Variants in SMAD5 observed in about 807,000 individuals in gnomAD.
The protein encoded by SMAD5 is MAD, mothers against decapentaplegic homolog 5.
Under a neutral mutation model 43.1 loss-of-function variants are expected in SMAD5, and 9 were observed. That is an observed-to-expected ratio of 0.21 (90% CI 0.13 to 0.36). The LOEUF is 0.36. Ranked by LOEUF, SMAD5 falls within the 10% of genes least tolerant of loss-of-function variation. SMAD5 has a pLI of 1.00. For synonymous variants in SMAD5, 190 were observed against 192.4 expected (o/e 0.99, Z 0.10); for missense variants, 348 against 574.0 (o/e 0.61, Z 4.02).
intron 3 of SMAD5, among the ~76,000 whole-genome samples, chr5:136,157,654 A>T (rs1159421270): frequency 6.6e-6 from 1 of 152,078 alleles, no homozygotes; most frequent in Admixed American, 6.6e-5. Context: ...TGGCGATAGG[A>T]TTTGCTTTCC....
intron 1 of SMAD5, among the ~76,000 whole-genome samples, chr5:136,142,044 C>G (rs929187388): frequency 2.0e-5 from 3 of 152,176 alleles, no homozygotes; most frequent in African/African-American, 7.2e-5. Flanking sequence ...CCTAACCCCA[C>G]CACCAGAGCT....
At chr5:136,142,033 AC>A (rs1753098326) in intron 1 of SMAD5, among the ~76,000 whole-genome samples, 1 of 152,218 alleles carries the variant, frequency 6.6e-6, no homozygotes, top group East Asian at 1.9e-4. Context: ...TGAAAAGTAC[AC>A]CTAACCCCAC....
chr5:136,168,844 C>T (rs1250193631), intron 5 of SMAD5, among the ~76,000 whole-genome samples: 1 of 152,164 alleles, frequency 6.6e-6, no homozygotes, highest in Non-Finnish European at 1.5e-5. Context: ...GCTTCTTTCA[C>T]TTAGTAATAT....
chr5:136,138,687 CT>C (rs1012547737), intron 1 of SMAD5, among the ~76,000 whole-genome samples: 3 of 152,102 alleles, frequency 2.0e-5, no homozygotes, highest in African/African-American at 7.2e-5. Flanking sequence ...CACATCCCCC[CT>C]GCCCCCAAAA....
At chr5:136,162,272 A>G (rs1283888848) in intron 4 of SMAD5, among the ~76,000 whole-genome samples, 1 of 152,188 alleles carries the variant, frequency 6.6e-6, no homozygotes. Flanking sequence ...GAAAACTCAA[A>G]CAAACATGGG....
At chr5:136,161,280 C>G (rs1158571092) in intron 4 of SMAD5, among the ~76,000 whole-genome samples, 173 bp downstream of exon 4, 1 of 151,956 alleles carries the variant, frequency 6.6e-6, no homozygotes, top group Non-Finnish European at 1.5e-5. Context: ...TTTATTTTGC[C>G]AATTACCGTA....
chr5:136,156,824 C>T lies in SMAD5; in HGVS notation c.403+2661C>T, dbSNP rs139578939. Among the ~76,000 whole-genome samples, 308 of 152,258 alleles carry T rather than the reference C, an allele frequency of 2.0e-3. 3 individuals carry two copies. The highest frequency in any genetic ancestry group is 7.1e-3 in the East Asian group (37 of 5,176). ...AAAAGACTGGGGCATAGCTCTGATA[C>T]TTTTAAATAACGGAAAATTTCATGT... is the stretch of plus-strand genomic sequence containing the variant. On this transcript the variant is annotated intron_variant, in intron 3 of 7. Transcript: ENST00000545279.
intron 3 of SMAD5, 33 bp downstream of exon 3, chr5:136,154,196 A>T: frequency 1.5e-6 from 2 of 1,376,152 alleles, no homozygotes; most frequent in Non-Finnish European, 1.9e-6. Flanking sequence ...ATTTGGAAAA[A>T]CAAAAACAAA....
At chr5:136,163,934 A>G (rs149865655) in intron 5 of SMAD5, among the ~76,000 whole-genome samples, 296 of 152,330 alleles carry the variant, frequency 1.9e-3, no homozygotes, top group Non-Finnish European at 3.1e-3. Context: ...TAATCGTAGC[A>G]CTTTGGGAGG....
At chr5:136,153,259 A>C (rs1753525741) in intron 2 of SMAD5, among the ~76,000 whole-genome samples, 4 of 152,166 alleles carry the variant, frequency 2.6e-5, no homozygotes, top group Admixed American at 2.6e-4. Context: ...AGTGAAGAAA[A>C]GTACTTCAGA....
chr5:136,170,688 T>C (rs904668679), intron 5 of SMAD5, among the ~76,000 whole-genome samples: 4 of 152,194 alleles, frequency 2.6e-5, no homozygotes, highest in African/African-American at 9.6e-5. Flanking sequence ...ATCTTGACGA[T>C]ATTGAGTCTT....
At chr5:136,167,504 G>A (rs774411227) in intron 5 of SMAD5, among the ~76,000 whole-genome samples, 5 of 152,146 alleles carry the variant, frequency 3.3e-5, no homozygotes, top group Admixed American at 6.5e-5. Context: ...TTGGCTGGGC[G>A]CAGTGGCTCA....
intron 1 of SMAD5, among the ~76,000 whole-genome samples, chr5:136,146,131 T>C (rs1409710140): frequency 6.6e-6 from 1 of 151,934 alleles, no homozygotes; most frequent in Non-Finnish European, 1.5e-5. Context: ...CCTTGCCTTT[T>C]ATAGGCACTC....
chr5:136,136,732 T>C (rs1752891388), intron 1 of SMAD5, among the ~76,000 whole-genome samples: 1 of 152,186 alleles, frequency 6.6e-6, no homozygotes, highest in Non-Finnish European at 1.5e-5. Context: ...TGTCTCTCTC[T>C]GTCGCCCAGG....
At chr5:136,172,342 T>C (rs745716256) in intron 5 of SMAD5, 92 bp from the exon 6 acceptor site, 1 of 696,204 alleles carries the variant, frequency 1.4e-6, no homozygotes, top group East Asian at 2.7e-5. Context: ...TTCTTTTTCA[T>C]GTAATACTTG....
chr5:136,144,638 T>C (rs1753199010), intron 1 of SMAD5, among the ~76,000 whole-genome samples: 1 of 150,920 alleles, frequency 6.6e-6, no homozygotes, highest in South Asian at 2.1e-4. Flanking sequence ...TATTAATATA[T>C]ATTATTCCCA....
At chr5:136,176,501 C>T (rs1179195214) in intron 7 of SMAD5, among the ~76,000 whole-genome samples, 3 of 143,274 alleles carry the variant, frequency 2.1e-5, no homozygotes, top group Non-Finnish European at 4.5e-5. Flanking sequence ...TGACATGTGA[C>T]ATGATCTTAC....
At chr5:136,165,783 C>T (rs967263744) in intron 5 of SMAD5, among the ~76,000 whole-genome samples, 3 of 141,928 alleles carry the variant, frequency 2.1e-5, no homozygotes, top group South Asian at 4.7e-4. Flanking sequence ...AGTAATATTC[C>T]GTTGTATGTA....
At chr5:136,172,010 A>G (rs963540011) in intron 5 of SMAD5, among the ~76,000 whole-genome samples, 1 of 152,224 alleles carries the variant, frequency 6.6e-6, no homozygotes, top group East Asian at 1.9e-4. Context: ...CTCTAAGAGC[A>G]TGCACTGAGG....
Sources: gnomAD v4.1 joint callset for allele counts (sites outside exome capture counted in the v4.1 genomes callset) on GRCh38, gnomAD v4.1.1 for gene constraint, MANE v1.5 for transcripts, NCBI Gene and HGNC (gene_info 2026-07-23, HGNC 2026-07-21) for gene names.